Variants in SCN1A observed in about 807,000 individuals in gnomAD.
The protein encoded by SCN1A is sodium voltage-gated channel alpha subunit 1.
Under a neutral mutation model 193.7 loss-of-function variants are expected in SCN1A, and 13 were observed. The observed-to-expected ratio is 0.07, with a 90% CI of 0.04 to 0.11. The LOEUF (loss-of-function observed/expected upper bound fraction) is 0.11, where lower values mean the gene tolerates loss of function less well. SCN1A is among the 10% of genes least tolerant of loss of function. The probability of loss-of-function intolerance (pLI) is 1.00; values close to 1 mark genes in which losing one functional copy is unlikely to be tolerated. For synonymous variants in SCN1A, 781 were observed against 843.6 expected (o/e 0.93, Z 1.29); for missense variants, 1,432 against 2,451.1 (o/e 0.58, Z 8.78).
chr2:166,036,101 T>C lies in SCN1A; in HGVS notation c.3376A>G (p.Asn1126Asp), dbSNP rs1226308717. The C allele has an allele frequency of 1.9e-6, 3 of 1,613,850 alleles. No homozygotes were observed. The Admixed American group carries it at 5.0e-5, about 27-fold the overall frequency. ...CTACTAAAGTCTTCCGTGTTTAAAT[T>C]TTCAAAGTCAGATTCTCCTACAGCA... ...PIAVGESDFENLNTEDFSSES... is the reference protein window; with the variant it reads ...PIAVGESDFEDLNTEDFSSES... The change falls in exon 19 of 29, where the codon AAT (asparagine) becomes GAT (aspartate). Residue 1126 changes from asparagine to aspartate, a missense_variant. Asn to Asp is a conservative substitution (Grantham distance 23). Transcript: ENST00000674923.
At chr2:166,143,567 A>G (rs1320695531) in intron 1 of SCN1A, among the ~76,000 whole-genome samples, 6 of 152,154 alleles carry the variant, frequency 3.9e-5, no homozygotes, top group Non-Finnish European at 8.8e-5. Flanking sequence ...TGAGACCTTT[A>G]CTTATCTTCA....
rs1350896451 is a variant in SCN1A, at chr2:166,041,276, A to G, written c.2370T>C (p.Tyr790=). 1 of 1,614,020 alleles carries G rather than the reference A, an allele frequency of 6.2e-7. No homozygotes were observed. The highest frequency in any genetic ancestry group is 1.7e-5 in the Admixed American group (1 of 60,028). ...LNTLFMAMEH[Y]PMTDHFNNVL... Reference sequence around the variant, plus strand: ...CATTATTGAAATGGTCCGTCATTGGATAGTGCTCCATGGCCATGAAAAGAG... The same window carrying G: ...CATTATTGAAATGGTCCGTCATTGGGTAGTGCTCCATGGCCATGAAAAGAG... The change falls in exon 16 of 29, where the codon TAT becomes TAC. Residue 790 remains tyrosine, a synonymous_variant. Coordinates refer to ENST00000674923, the MANE Select transcript of SCN1A (RefSeq NM_001165963.4).
chr2:166,019,917 T>TTC, intron 19 of SCN1A, among the ~76,000 whole-genome samples: 1 of 150,486 alleles, frequency 6.6e-6, no homozygotes, highest in South Asian at 2.1e-4. Context: ...AACTTCTTTT[T>TTC]TTTTTTTTTT....
chr2:166,146,027 T>C (rs1471126054), intron 1 of SCN1A, among the ~76,000 whole-genome samples: 1 of 152,114 alleles, frequency 6.6e-6, no homozygotes, highest in Admixed American at 6.5e-5. Flanking sequence ...TAATAAAATT[T>C]ATTAAATTGA....
chr2:166,035,556 A>T (rs1476118594), intron 19 of SCN1A, among the ~76,000 whole-genome samples: 1 of 152,222 alleles, frequency 6.6e-6, no homozygotes, highest in South Asian at 2.1e-4. Flanking sequence ...TGATAAACTC[A>T]TTGTGAGTTG....
At chr2:166,034,955 C>G (rs79790269) in intron 19 of SCN1A, among the ~76,000 whole-genome samples, 3,692 of 152,228 alleles carry the variant, frequency 0.024, 225 homozygotes, top group Admixed American at 0.14. Flanking sequence ...CTTGGACTTT[C>G]CAGTTTCTGG....
chr2:166,148,395 T>C (rs1182777746), intron 1 of SCN1A, among the ~76,000 whole-genome samples: 1 of 152,188 alleles, frequency 6.6e-6, no homozygotes, highest in Admixed American at 6.5e-5. Context: ...CTATATTGTT[T>C]CTACTTTTAC....
intron 1 of SCN1A, among the ~76,000 whole-genome samples, chr2:166,147,726 A>G (rs923203124): frequency 6.6e-6 from 1 of 152,292 alleles, no homozygotes; most frequent in Admixed American, 6.5e-5. Flanking sequence ...TCTTTAAATT[A>G]TTTGGGAAAT....
chr2:166,129,572 G>GTA, upstream of SCN1A, among the ~76,000 whole-genome samples: 1 of 152,300 alleles, frequency 6.6e-6, no homozygotes, highest in Middle Eastern at 3.4e-3. Flanking sequence ...ATCTGGTAGA[G>GTA]TCAGGGCAAA....
At chr2:166,092,792 A>G (rs1350070054) in intron 2 of SCN1A, 1 of 152,224 alleles carries the variant, frequency 6.6e-6, no homozygotes, top group Non-Finnish European at 1.5e-5. Flanking sequence ...CAAAACTGTG[A>G]TATTAAAATA....
At chr2:166,043,295 C>T (rs1306452182) in intron 14 of SCN1A, among the ~76,000 whole-genome samples, 1 of 152,094 alleles carries the variant, frequency 6.6e-6, no homozygotes, top group African/African-American at 2.4e-5. Context: ...TTGAAGAATC[C>T]ATTGGAAAGA....
chr2:166,051,107 T>C (rs2105886235), intron 9 of SCN1A, among the ~76,000 whole-genome samples: 1 of 152,136 alleles, frequency 6.6e-6, no homozygotes, highest in Admixed American at 6.6e-5. Flanking sequence ...AGGAAGAATG[T>C]ATAGCAACCA....
chr2:166,051,666 A>T, intron 9 of SCN1A, 53 bp downstream of exon 9: 1 of 1,397,940 alleles, frequency 7.2e-7, no homozygotes. Flanking sequence ...CCTTTGTGTT[A>T]CAAACAATCC....
chr2:166,022,357 G>A (rs1694183468), intron 19 of SCN1A, among the ~76,000 whole-genome samples: 1 of 150,320 alleles, frequency 6.7e-6, no homozygotes, highest in East Asian at 2.0e-4. Context: ...TTAAAGTTTA[G>A]AATTTGTCAC....
chr2:166,143,716 T>G (rs1248226128), intron 1 of SCN1A, among the ~76,000 whole-genome samples: 1 of 152,212 alleles, frequency 6.6e-6, no homozygotes. Flanking sequence ...AATCATCTAA[T>G]TCAGGCTCTC....
At chr2:166,146,970 C>A (rs1182664616) in intron 1 of SCN1A, among the ~76,000 whole-genome samples, 1 of 152,034 alleles carries the variant, frequency 6.6e-6, no homozygotes, top group Non-Finnish European at 1.5e-5. Flanking sequence ...ACAGTAAAAA[C>A]CATTTTTATA....
At chr2:166,100,998 C>T (rs1687996225) in intron 2 of SCN1A, among the ~76,000 whole-genome samples, 1 of 73,626 alleles carries the variant, frequency 1.4e-5, no homozygotes, top group South Asian at 6.4e-4. Flanking sequence ...ACCCAGCCAT[C>T]CCATTACTGG....
At chr2:166,012,874 C>T (rs887329495) in intron 21 of SCN1A, among the ~76,000 whole-genome samples, 4 of 150,878 alleles carry the variant, frequency 2.7e-5, no homozygotes, top group East Asian at 1.9e-4. Context: ...ATGAACCTCT[C>T]GATGTTTCAC....
rs913438795 is a variant in SCN1A, at chr2:166,119,724, T to C, written c.-142+7200A>G. ...ACAAAATTTTCAAAATACTGTACTT[T>C]TATTATACAAGGTTTGTGGCCTAGT... On this transcript the variant is annotated intron_variant, in intron 2 of 28. Transcript: ENST00000674923. Among the ~76,000 whole-genome samples, 4 of 152,292 alleles carry C rather than the reference T, an allele frequency of 2.6e-5. 1 individual carries two copies. Among genetic ancestry groups the C allele is most frequent in the Middle Eastern group, 6.8e-3 (2 of 294 alleles).
Sources: allele counts gnomAD v4.1 joint callset (sites outside exome capture counted in the v4.1 genomes callset), GRCh38; gene constraint gnomAD v4.1.1; transcripts MANE v1.5; gene names NCBI Gene and HGNC (gene_info 2026-07-23, HGNC 2026-07-21).